SNX9: variants seen among roughly 807,000 people sequenced by gnomAD.
The protein encoded by SNX9 is sorting nexin 9.
In SNX9, 44 loss-of-function variants were observed where a neutral mutation model predicts 89.4. That is an observed-to-expected ratio of 0.49 (90% CI 0.39 to 0.63). The LOEUF is 0.63. Ranked by LOEUF, SNX9 falls within the 30% of genes least tolerant of loss-of-function variation. The pLI is 0.00. For synonymous variants in SNX9, 236 were observed against 247.8 expected (o/e 0.95, Z 0.45); for missense variants, 578 against 736.1 (o/e 0.79, Z 2.49).
At chr6:157,836,380 C>G (rs1203084246) in intron 1 of SNX9, among the ~76,000 whole-genome samples, 1 of 152,118 alleles carries the variant, frequency 6.6e-6, no homozygotes, top group African/African-American at 2.4e-5. Context: ...CTCTTCTATA[C>G]AGAAAGATAT....
chr6:157,927,292 C>A, intron 11 of SNX9, 78 bp downstream of exon 11: 1 of 1,005,358 alleles, frequency 9.9e-7, no homozygotes. Flanking sequence ...GCCAGTGTAG[C>A]CGCAGCCGAA....
intron 1 of SNX9, among the ~76,000 whole-genome samples, chr6:157,854,159 T>G (rs1399196928): frequency 1.3e-5 from 2 of 152,254 alleles, no homozygotes; most frequent in Non-Finnish European, 2.9e-5. Context: ...GGTTTGGTAT[T>G]TGCTACTGTT....
In SNX9 at chr6:157,877,841, T is replaced by G. The variant is rs142405844; in HGVS notation, c.300+2665T>G. On this transcript the variant is annotated intron_variant, in intron 4 of 17. Transcript: ENST00000392185. ...TTACTCATCTTAGCATCAGTAAGTTTAAATTTGACTCTCCTCCCACACAAG... is the reference window on the plus strand; with the variant it reads ...TTACTCATCTTAGCATCAGTAAGTTGAAATTTGACTCTCCTCCCACACAAG... Among the ~76,000 whole-genome samples, 112 of 152,304 alleles carry G rather than the reference T, an allele frequency of 7.4e-4. 1 individual carries two copies. The highest frequency in any genetic ancestry group is 2.5e-3 in the African/African-American group (105 of 41,562).
chr6:157,925,010 T>C (rs1028935652), intron 10 of SNX9, among the ~76,000 whole-genome samples: 1 of 152,200 alleles, frequency 6.6e-6, no homozygotes, highest in African/African-American at 2.4e-5. Context: ...TTCTGAAATA[T>C]GACATGAAAA....
intron 1 of SNX9, among the ~76,000 whole-genome samples, chr6:157,836,297 T>C (rs1366120492): frequency 6.6e-6 from 1 of 152,190 alleles, no homozygotes; most frequent in Non-Finnish European, 1.5e-5. Flanking sequence ...AAGTGATAGA[T>C]AGTGATTCTC....
chr6:157,875,918 A>G (rs968241164), intron 4 of SNX9, among the ~76,000 whole-genome samples: 1 of 151,712 alleles, frequency 6.6e-6, no homozygotes, highest in African/African-American at 2.4e-5. Flanking sequence ...AGGCAGGTGG[A>G]TTGCTTGAGT....
At chr6:157,911,551 T>A (rs1371315408) in intron 9 of SNX9, among the ~76,000 whole-genome samples, 2 of 152,216 alleles carry the variant, frequency 1.3e-5, no homozygotes, top group Non-Finnish European at 2.9e-5. Flanking sequence ...TCATCTGTCC[T>A]CACAGATAGG....
intron 16 of SNX9, 124 bp downstream of exon 16, chr6:157,938,871 C>T (rs1050598767): frequency 6.4e-6 from 4 of 621,274 alleles, no homozygotes; most frequent in East Asian, 2.6e-5. Flanking sequence ...TTAAGCCCCT[C>T]GTTTGCAGGA....
intron 1 of SNX9, among the ~76,000 whole-genome samples, chr6:157,826,145 A>G (rs540662025): frequency 1.3e-5 from 2 of 152,298 alleles, no homozygotes; most frequent in East Asian, 3.9e-4. Context: ...ATATTTTACA[A>G]TAAAAAAGGA....
At chr6:157,884,470 G>T (rs1033246904) in intron 4 of SNX9, among the ~76,000 whole-genome samples, 1 of 152,132 alleles carries the variant, frequency 6.6e-6, no homozygotes, top group African/African-American at 2.4e-5. Flanking sequence ...AGTATTAGAT[G>T]TGCTTATACC....
rs1411484468 is a variant in SNX9, at chr6:157,944,476, CAT to C, written c.*1642_*1643del. On this transcript the variant is annotated 3_prime_UTR_variant, in exon 18 of 18. Coordinates refer to ENST00000392185, the MANE Select transcript of SNX9 (RefSeq NM_016224.5). Reference sequence around the variant, plus strand: ...GAATGTAAGAGCATGTAGAAGCCAACATATAAATAAATTGTTTAAAAAAACTG... The same window carrying C: ...GAATGTAAGAGCATGTAGAAGCCAACATAAATAAATTGTTTAAAAAAACTG... The C allele has an allele frequency of 6.6e-6, 1 of 152,544 alleles. No individual in the cohort carries two copies. The highest frequency in any genetic ancestry group is 1.5e-5 in the Non-Finnish European group (1 of 68,030). The allele number at this position is 152,544 out of a possible 1,614,324, so 9.4% of individuals were successfully genotyped here. A position where few individuals can be genotyped will look rare whatever the true frequency, so the allele number is the denominator to read the frequency against.
At chr6:157,884,792 C>T (rs1323264986) in intron 4 of SNX9, among the ~76,000 whole-genome samples, 2 of 152,156 alleles carry the variant, frequency 1.3e-5, no homozygotes, top group Non-Finnish European at 2.9e-5. Flanking sequence ...AAAATACATG[C>T]TGGTGAAGTT....
intron 4 of SNX9, among the ~76,000 whole-genome samples, chr6:157,885,809 A>G (rs1417667625): frequency 6.6e-6 from 1 of 152,176 alleles, no homozygotes; most frequent in African/African-American, 2.4e-5. Context: ...GACTTACCAG[A>G]TGGGATGATC....
At chr6:157,837,642 A>G (rs1423086745) in intron 1 of SNX9, among the ~76,000 whole-genome samples, 2 of 152,240 alleles carry the variant, frequency 1.3e-5, no homozygotes, top group Non-Finnish European at 2.9e-5. Flanking sequence ...AGAAAAAAGA[A>G]TGTAGTCCCC....
At chr6:157,899,018 C>A (rs1202960239) in intron 5 of SNX9, among the ~76,000 whole-genome samples, 1 of 150,782 alleles carries the variant, frequency 6.6e-6, no homozygotes, top group Admixed American at 6.6e-5. Flanking sequence ...CTCTTAGGAC[C>A]TGACACTAAA....
At chr6:157,898,705 GT>G (rs1783031034) in intron 5 of SNX9, among the ~76,000 whole-genome samples, 1 of 152,176 alleles carries the variant, frequency 6.6e-6, no homozygotes, top group Non-Finnish European at 1.5e-5. Flanking sequence ...TAAGAAGGTA[GT>G]CTCCCATTAT....
intron 14 of SNX9, among the ~76,000 whole-genome samples, chr6:157,936,372 A>G (rs1021114440): frequency 2.0e-5 from 3 of 152,218 alleles, no homozygotes; most frequent in East Asian, 1.9e-4. Flanking sequence ...AGCTGGGTGT[A>G]GTGGTGTACA....
At position 157,823,362 on chromosome 6, in the gene SNX9, C is replaced by A; in HGVS notation, c.-73C>A. The A allele has an allele frequency of 2.4e-6, 3 of 1,256,846 alleles. No individual in the cohort carries two copies. Among genetic ancestry groups the A allele is most frequent in the South Asian group, 3.9e-5 (2 of 51,676 alleles). 77.9% of individuals were successfully genotyped at this position (1,256,846 alleles called of 1,614,324 possible). The stretch of plus-strand genomic sequence containing the variant: ...CCGCCGCCCTCGCCCTTGCCTTTGC[C>A]TGCGCGGCTCAGAATCACCATCCGC... On this transcript the variant is annotated 5_prime_UTR_variant, in exon 1 of 18. In the 5' UTR this introduces an upstream ATG that the reference lacks. Coordinates refer to ENST00000392185, the MANE Select transcript of SNX9 (RefSeq NM_016224.5). This position sits in a 1 kb window ranked among gnomAD's most constrained non-coding sequence, Gnocchi z 4.6.
chr6:157,826,457 G>A (rs944656589), intron 1 of SNX9, among the ~76,000 whole-genome samples: 5 of 147,604 alleles, frequency 3.4e-5, no homozygotes, highest in East Asian at 2.0e-4. Context: ...CCGATTTTGC[G>A]CCACTGCACT....
Sources: gnomAD v4.1 joint callset for allele counts (sites outside exome capture counted in the v4.1 genomes callset) on GRCh38, gnomAD v4.1.1 for gene constraint, Gnocchi (gnomAD v3.1) non-coding constraint, MANE v1.5 for transcripts, NCBI Gene and HGNC (gene_info 2026-07-23, HGNC 2026-07-21) for gene names.